Variants in TRIM77 observed in about 807,000 individuals in gnomAD.
The protein encoded by TRIM77 is tripartite motif-containing protein 77.
Under a neutral mutation model 31.8 loss-of-function variants are expected in TRIM77, and 23 were observed. The ratio of observed to expected loss-of-function variants is 0.72; its 90% CI spans 0.52 to 1.02. TRIM77 has a LOEUF of 1.02. Ranked by LOEUF, TRIM77 falls within the 50% of genes least tolerant of loss-of-function variation. The pLI, the probability that TRIM77 is intolerant of heterozygous loss-of-function variation, is 0.00. For missense variants in TRIM77, 446 were observed against 539.2 expected (o/e 0.83, Z 1.71); for synonymous variants, 159 against 183.1 (o/e 0.87, Z 1.06).
At position 89,717,708 on chromosome 11, in the gene TRIM77, C is replaced by T. The variant is rs1485971920; in HGVS notation, c.1189C>T (p.Pro397Ser). 8 of 1,551,284 alleles carry T rather than the reference C, an allele frequency of 5.2e-6. No homozygotes were observed. The highest frequency in any genetic ancestry group is 2.4e-5 in the South Asian group (2 of 84,044). ...FSLFSTSPLL[P>S]HYIPRPQGWL... Reference sequence around the variant, plus strand: ...TCTCTTCTCTACCTCCCCACTGTTACCTCACTATATTCCAAGGCCCCAAGG... The same window carrying T: ...TCTCTTCTCTACCTCCCCACTGTTATCTCACTATATTCCAAGGCCCCAAGG... Residue 397 changes from proline (P) to serine (S), a missense_variant, in exon 6 of 6, where the codon CCT (proline) becomes TCT (serine). Pro to Ser is a moderately conservative substitution (Grantham distance 74). Transcript: ENST00000398290.
chr11:89,712,257 A>G (rs1416394427), intron 2 of TRIM77, among the ~76,000 whole-genome samples: 1 of 152,162 alleles, frequency 6.6e-6, no homozygotes, highest in Non-Finnish European at 1.5e-5. Flanking sequence ...GCCAAAGGGG[A>G]ACAAAAAAAT....
intron 3 of TRIM77, among the ~76,000 whole-genome samples, chr11:89,714,785 T>G (rs1293209353): frequency 5.3e-5 from 8 of 152,184 alleles, no homozygotes; most frequent in Admixed American, 4.6e-4. Flanking sequence ...TTTATGAAAT[T>G]TATTTACTCT....
chr11:89,712,345 T>C (rs1264598399), intron 2 of TRIM77, among the ~76,000 whole-genome samples: 1 of 152,182 alleles, frequency 6.6e-6, no homozygotes, highest in Non-Finnish European at 1.5e-5. Flanking sequence ...CTTACTGCTG[T>C]AGCCCAACAA....
chr11:89,715,442 G>C (rs560438387), intron 4 of TRIM77, among the ~76,000 whole-genome samples: 28 of 152,202 alleles, frequency 1.8e-4, no homozygotes, highest in Admixed American at 1.7e-3. Flanking sequence ...ATTATTTGAA[G>C]GTTATTCCAG....
chr11:89,712,047 T>A (rs552685840), intron 2 of TRIM77, among the ~76,000 whole-genome samples: 9 of 152,320 alleles, frequency 5.9e-5, no homozygotes, highest in African/African-American at 2.2e-4. Context: ...AATGTACTTA[T>A]GGCCAGGTCT....
chr11:89,712,032 C>T (rs1949126185), intron 2 of TRIM77, among the ~76,000 whole-genome samples: 1 of 152,092 alleles, frequency 6.6e-6, no homozygotes, highest in Non-Finnish European at 1.5e-5. Flanking sequence ...AGAGATATGG[C>T]TATAAATGTA....
intron 5 of TRIM77, among the ~76,000 whole-genome samples, chr11:89,716,473 T>C (rs995112550): frequency 1.3e-5 from 2 of 152,096 alleles, no homozygotes; most frequent in Non-Finnish European, 2.9e-5. Flanking sequence ...AAACAATAGG[T>C]ACAACCACAA....
Position 89,717,321 on chromosome 11 carries a change from C to A in TRIM77, c.860-58C>A, listed in dbSNP as rs541008841. Reference sequence around the variant, plus strand: ...AAGCATTTGCCAGACTGCCTCTGCACCTGTACCTCCAAACTTTTAAACTGT... The same window carrying A: ...AAGCATTTGCCAGACTGCCTCTGCAACTGTACCTCCAAACTTTTAAACTGT... On this transcript the variant is annotated intron_variant, in intron 5 of 5. Coordinates refer to ENST00000398290, the MANE Select transcript of TRIM77 (RefSeq NM_001146162.1). The A allele has an allele frequency of 5.5e-6, 8 of 1,459,484 alleles. No individual in the cohort carries two copies. In the East Asian group the frequency reaches 1.0e-4, roughly 18 times the overall value. The allele number at this position is 1,459,484 out of a possible 1,614,324, so 90.4% of individuals were successfully genotyped here.
chr11:89,715,437 T>C (rs1949154152), intron 4 of TRIM77, among the ~76,000 whole-genome samples: 1 of 152,202 alleles, frequency 6.6e-6, no homozygotes, highest in Admixed American at 6.5e-5. Context: ...TCCTAATTAT[T>C]TGAAGGTTAT....
intron 5 of TRIM77, among the ~76,000 whole-genome samples, chr11:89,717,086 ACT>A (rs2134548733): frequency 6.6e-6 from 1 of 151,936 alleles, no homozygotes; most frequent in African/African-American, 2.4e-5. Context: ...CTCCATAATT[ACT>A]CTGATATACT....
In TRIM77 at chr11:89,717,472, T is replaced by G. The variant is rs1188240583; in HGVS notation, c.953T>G (p.Met318Arg). 6.4e-7 allele frequency: 1 copy of G among 1,551,562 alleles called. No individual in the cohort carries two copies. The highest frequency in any genetic ancestry group is 8.7e-7 in the Non-Finnish European group (1 of 1,146,880). ...HLQCSLDDTDMSCNPTSTQYT... is the reference protein window; with the variant it reads ...HLQCSLDDTDRSCNPTSTQYT... ...CAGTGCAGCCTTGATGATACAGACA[T>G]GTCCTGTAATCCAACAAGTACACAG... is the stretch of plus-strand genomic sequence containing the variant. Residue 318 changes from methionine to arginine, a missense_variant, in exon 6 of 6, where the codon ATG becomes AGG. By Grantham distance (91) the Met-to-Arg change is moderately conservative. Around this residue, in one of 3 missense-constraint regions of TRIM77, gnomAD observed 366 missense variants for 447.9 expected, o/e 0.82. Transcript: ENST00000398290.
At chr11:89,713,901 A>G (rs1420121594) in intron 2 of TRIM77, among the ~76,000 whole-genome samples, 6 of 152,168 alleles carry the variant, frequency 3.9e-5, no homozygotes, top group Non-Finnish European at 8.8e-5. Context: ...ATAATGATGA[A>G]GAGGTTAGAA....
chr11:89,714,601 G>A (rs1008410824), intron 3 of TRIM77, among the ~76,000 whole-genome samples, 179 bp downstream of exon 3: 8 of 152,206 alleles, frequency 5.3e-5, no homozygotes, highest in Non-Finnish European at 1.2e-4. Flanking sequence ...ACTCTTTCTT[G>A]TCCCATAGAG....
At chr11:89,715,208 G>A (rs1412035677) in intron 4 of TRIM77, 28 bp downstream of exon 4, 1 of 1,548,602 alleles carries the variant, frequency 6.5e-7, no homozygotes, top group Non-Finnish European at 8.7e-7. Flanking sequence ...TCCAAGTCCT[G>A]GTAATTGTGA....
intron 5 of TRIM77, 90 bp from the exon 6 acceptor site, chr11:89,717,289 G>T (rs1406146577): frequency 1.7e-6 from 2 of 1,200,038 alleles, no homozygotes; most frequent in Non-Finnish European, 2.3e-6. Context: ...TTCAGGGATT[G>T]GTTGTTAAGC....
At chr11:89,717,352 T>A in intron 5 of TRIM77, 27 bp from the exon 6 acceptor site, 1 of 1,504,626 alleles carries the variant, frequency 6.6e-7, no homozygotes, top group Non-Finnish European at 8.9e-7. Context: ...ACTGTTTTTT[T>A]GCATTCACTG....
chr11:89,713,338 C>T (rs927665149), intron 2 of TRIM77, among the ~76,000 whole-genome samples: 1 of 147,052 alleles, frequency 6.8e-6, no homozygotes, highest in South Asian at 2.2e-4. Flanking sequence ...TGTCTGAAGT[C>T]GCAGCTACTC....
chr11:89,710,498 T>C lies in TRIM77; in HGVS notation c.200T>C (p.Ile67Thr), dbSNP rs1237394858. The C allele has an allele frequency of 3.9e-6, 6 of 1,551,390 alleles. No homozygotes were observed. Among genetic ancestry groups the C allele is most frequent in the Admixed American group, 2.0e-5 (1 of 50,980 alleles). The change falls in exon 1 of 6, where the codon ATT becomes ACT. Residue 67 changes from isoleucine (I) to threonine (T), a missense_variant. Physicochemically the swap from Ile to Thr is moderately conservative, Grantham distance 89. Transcript: ENST00000398290. ...EISQQMYFKR[I>T]IFAEKQVIPT... ...TCACAGCAAATGTACTTCAAACGCATTATTTTTGCTGAGAAACAAGTTATT... is the reference window on the plus strand; with the variant it reads ...TCACAGCAAATGTACTTCAAACGCACTATTTTTGCTGAGAAACAAGTTATT...
At chr11:89,715,310 G>T (rs1410577512) in intron 4 of TRIM77, 130 bp downstream of exon 4, 18 of 823,612 alleles carry the variant, frequency 2.2e-5, no homozygotes, top group East Asian at 2.1e-4. Context: ...AGGTCATCCA[G>T]GCTTTATATA....
Sources: gnomAD v4.1 joint callset for allele counts (sites outside exome capture counted in the v4.1 genomes callset) on GRCh38, gnomAD v4.1.1 for gene constraint, gnomAD v4.1.1 regional missense constraint, MANE v1.5 for transcripts, NCBI Gene and HGNC (gene_info 2026-07-23, HGNC 2026-07-21) for gene names.